DIAPH3: variants seen among roughly 807,000 people sequenced by gnomAD.
DIAPH3 encodes diaphanous related formin 3.
Under a neutral mutation model 144.3 loss-of-function variants are expected in DIAPH3, and 117 were observed. The observed-to-expected ratio is 0.81, with a 90% CI of 0.70 to 0.95. The LOEUF (loss-of-function observed/expected upper bound fraction) is 0.95, where lower values mean the gene tolerates loss of function less well. Among genes scored for constraint, DIAPH3 ranks in the 40% least tolerant of loss-of-function variants. The pLI, the probability that DIAPH3 is intolerant of heterozygous loss-of-function variation, is 0.00. For missense variants in DIAPH3, 1,421 were observed against 1,412.7 expected, an observed-to-expected ratio of 1.01 and a Z score of -0.09; for synonymous variants, 519 against 488.9, an observed-to-expected ratio of 1.06 and a Z score of -0.81.
chr13:59,911,748 T>C lies in DIAPH3; in HGVS notation c.2354A>G (p.Gln785Arg), dbSNP rs199786163. The C allele has an allele frequency of 2.6e-4, 422 of 1,613,512 alleles. 2 individuals carry two copies. The Middle Eastern group carries it at 3.0e-3, about 11-fold the overall frequency. Reference sequence around the variant, plus strand: ...CTCGGTACTTACCACAACCACAAACTGCTCAGGTTCACATAAGTTGCTATA... The same window carrying C: ...CTCGGTACTTACCACAACCACAAACCGCTCAGGTTCACATAAGTTGCTATA... ...SEYSNLCEPE[Q>R]FVVVMSNVKR... The change falls in exon 20 of 28, where the codon CAG (glutamine) becomes CGG (arginine). Residue 785 changes from glutamine (Q) to arginine (R), a missense_variant. Transcript: ENST00000400324.
chr13:60,045,681 C>G (rs2056023988), intron 4 of DIAPH3, among the ~76,000 whole-genome samples: 1 of 152,108 alleles, frequency 6.6e-6, no homozygotes, highest in Non-Finnish European at 1.5e-5. Context: ...TCCAAAAATA[C>G]AGCAGTGGAG....
In DIAPH3 at chr13:60,132,982, T is replaced by C; in HGVS notation, c.188A>G (p.Asn63Ser). 4 of 1,606,660 alleles carry C rather than the reference T, an allele frequency of 2.5e-6. No individual in the cohort carries two copies. Among genetic ancestry groups the C allele is most frequent in the Non-Finnish European group, 3.4e-6 (4 of 1,174,424 alleles). The part of the protein sequence containing the change: ...PGEKRPKFHL[N>S]IRTLTDDMLD... ...CATATCATCCGTCAGTGTCCTAATATTTAAATGCTGCAAATTAAAAAAAAG... is the reference window on the plus strand; with the variant it reads ...CATATCATCCGTCAGTGTCCTAATACTTAAATGCTGCAAATTAAAAAAAAG... Residue 63 changes from asparagine (N) to serine (S), a missense_variant, in exon 2 of 28, where the codon AAT becomes AGT. Asn to Ser is a conservative substitution (Grantham distance 46). Transcript: ENST00000400324.
At chr13:59,714,991 G>A (rs2138859808) in intron 27 of DIAPH3, among the ~76,000 whole-genome samples, 1 of 152,274 alleles carries the variant, frequency 6.6e-6, no homozygotes, top group East Asian at 1.9e-4. Context: ...AGAATGAAAA[G>A]GGGCAGTACT....
At position 59,666,834 on chromosome 13, in the gene DIAPH3, A is replaced by G. The variant is rs1374243243; in HGVS notation, c.3332T>C (p.Val1111Ala). ...TGAACGTGACCCTTCTGTCAACTGC[A>G]CTTTCTGATTTTCTACAGTAAGGAA... is the stretch of plus-strand genomic sequence containing the variant. ...LKVCNHENQK[V>A]QLTEGSRSHY... The change falls in exon 28 of 28, where the codon GTG (valine) becomes GCG (alanine). Residue 1111 changes from valine to alanine, a missense_variant. Val to Ala is a moderately conservative substitution (Grantham distance 64). Transcript: ENST00000400324. The G allele has an allele frequency of 6.2e-7, 1 of 1,614,110 alleles. No individual in the cohort carries two copies. The highest frequency in any genetic ancestry group is 8.5e-7 in the Non-Finnish European group (1 of 1,179,978).
chr13:59,854,131 T>C (rs1015121412), intron 22 of DIAPH3, among the ~76,000 whole-genome samples: 2 of 149,776 alleles, frequency 1.3e-5, no homozygotes, highest in African/African-American at 4.9e-5. Context: ...GAGAAGATGG[T>C]GAGAAGATGC....
chr13:59,788,539 T>C (rs554431809), intron 25 of DIAPH3, among the ~76,000 whole-genome samples: 6 of 152,310 alleles, frequency 3.9e-5, no homozygotes, highest in African/African-American at 1.4e-4. Flanking sequence ...CATGTATAAC[T>C]TACATGTGTG....
Position 60,160,202 on chromosome 13 carries a change from C to T in DIAPH3, c.180+3385G>A, listed in dbSNP as rs376206179. Among the ~76,000 whole-genome samples, 711 of 151,688 alleles carry T rather than the reference C, an allele frequency of 4.7e-3. 2 individuals are homozygous for T. The highest frequency in any genetic ancestry group is 0.02 in the South Asian group (98 of 4,784). On this transcript the variant is annotated intron_variant, in intron 1 of 27. Transcript: ENST00000400324. ...TCACGCCTCTGCACTCCAGCCTGGG[C>T]GACAGAGCAAGACTCCGTCTCAAAA...
intron 4 of DIAPH3, among the ~76,000 whole-genome samples, chr13:60,050,131 T>G (rs2056268293): frequency 6.6e-6 from 1 of 150,748 alleles, no homozygotes; most frequent in African/African-American, 2.4e-5. Flanking sequence ...GAGTTTGAGG[T>G]TGCCATGAGC....
At chr13:59,681,932 A>G (rs1017329282) in intron 27 of DIAPH3, among the ~76,000 whole-genome samples, 1 of 152,348 alleles carries the variant, frequency 6.6e-6, no homozygotes, top group East Asian at 1.9e-4. Flanking sequence ...AAGTATTTCT[A>G]TATCAGTACA....
At chr13:59,822,114 G>C (rs1199280157) in intron 24 of DIAPH3, among the ~76,000 whole-genome samples, 1 of 152,104 alleles carries the variant, frequency 6.6e-6, no homozygotes, top group Non-Finnish European at 1.5e-5. Flanking sequence ...AAGTAAATGA[G>C]ATACTTCAAC....
chr13:59,697,245 A>G (rs945436535), intron 27 of DIAPH3, among the ~76,000 whole-genome samples: 1 of 151,424 alleles, frequency 6.6e-6, no homozygotes, highest in Non-Finnish European at 1.5e-5. Flanking sequence ...GGATCACGAG[A>G]TCAGGAGATC....
chr13:60,112,305 G>A (rs2058591142), intron 2 of DIAPH3, 119 bp from the exon 3 acceptor site: 3 of 1,180,220 alleles, frequency 2.5e-6, no homozygotes, highest in Admixed American at 1.9e-5. Context: ...TTCATCAAGA[G>A]GCATTCAGCA....
chr13:59,672,626 G>A (rs1431700324), intron 27 of DIAPH3, among the ~76,000 whole-genome samples: 1 of 152,166 alleles, frequency 6.6e-6, no homozygotes, highest in African/African-American at 2.4e-5. Flanking sequence ...TTTAATCTAT[G>A]CAATAACGGA....
intron 4 of DIAPH3, among the ~76,000 whole-genome samples, chr13:60,093,394 C>T (rs576953960): frequency 2.0e-5 from 3 of 152,254 alleles, no homozygotes; most frequent in Middle Eastern, 3.4e-3. Context: ...TAGACCCCCT[C>T]CCAGTGTTTC....
chr13:59,896,150 G>A (rs192969283), intron 20 of DIAPH3, among the ~76,000 whole-genome samples: 123 of 152,274 alleles, frequency 8.1e-4, no homozygotes, highest in Non-Finnish European at 1.1e-3. Context: ...TATGGCATGT[G>A]GAGGAGGTCT....
rs1199116344 is a variant in DIAPH3, at chr13:60,010,593, T to C, written c.848A>G (p.Asn283Ser). 7 of 1,613,624 alleles carry C rather than the reference T, an allele frequency of 4.3e-6. No individual in the cohort carries two copies. The highest frequency in any genetic ancestry group is 2.2e-5 in the East Asian group (1 of 44,844). ...AAGTTTAACCACATCTGTCATCATA[T>C]TGGGGTGTCTGGGATCCACGGCTTT... Reference protein sequence around the residue: ...LAKAVDPRHPNMMTDVVKLLS... With the variant: ...LAKAVDPRHPSMMTDVVKLLS... The change falls in exon 8 of 28, where the codon AAT becomes AGT. Residue 283 changes from asparagine to serine, a missense_variant. Transcript: ENST00000400324.
intron 5 of DIAPH3, among the ~76,000 whole-genome samples, chr13:60,024,494 A>AT (rs967770043): frequency 2.6e-5 from 4 of 151,588 alleles, no homozygotes; most frequent in Non-Finnish European, 4.4e-5. Flanking sequence ...GAGACTTTCT[A>AT]TTTTTTTTCT....
At chr13:60,063,480 G>C (rs1226901951) in intron 4 of DIAPH3, among the ~76,000 whole-genome samples, 1 of 152,142 alleles carries the variant, frequency 6.6e-6, no homozygotes, top group Non-Finnish European at 1.5e-5. Context: ...ATCTAGAATG[G>C]TGAATCCTAT....
At chr13:60,079,650 C>T (rs767372723) in intron 4 of DIAPH3, among the ~76,000 whole-genome samples, 2 of 151,394 alleles carry the variant, frequency 1.3e-5, no homozygotes. Context: ...GTCTTATGGG[C>T]ATGTCTTATG....
Sources: allele counts gnomAD v4.1 joint callset (sites outside exome capture counted in the v4.1 genomes callset), GRCh38; gene constraint gnomAD v4.1.1; transcripts MANE v1.5; gene names NCBI Gene and HGNC (gene_info 2026-07-23, HGNC 2026-07-21).